Variants in ABCD3 observed in about 807,000 individuals in gnomAD.
ABCD3 encodes the protein ATP binding cassette subfamily D member 3.
In ABCD3, 41 loss-of-function variants were observed where a neutral mutation model predicts 105.5. The observed-to-expected ratio is 0.39, with a 90% CI of 0.30 to 0.50. ABCD3 has a LOEUF of 0.50. ABCD3 is among the 20% of genes least tolerant of loss of function. The pLI is 0.84. For missense variants in ABCD3, 622 were observed against 806.3 expected (o/e 0.77, Z 2.77); for synonymous variants, 258 against 269.0 (o/e 0.96, Z 0.40).
chr1:94,438,129 T>C (rs1232861061), intron 1 of ABCD3, among the ~76,000 whole-genome samples: 1 of 151,646 alleles, frequency 6.6e-6, no homozygotes, highest in Non-Finnish European at 1.5e-5. Context: ...TCTACTAAAA[T>C]ACAAAAAATT....
At chr1:94,455,343 G>A (rs948722408) in intron 1 of ABCD3, among the ~76,000 whole-genome samples, 2 of 102,604 alleles carry the variant, frequency 1.9e-5, no homozygotes, top group African/African-American at 7.5e-5. Context: ...TTTTTTTTTT[G>A]AGACCGAGTT....
chr1:94,484,715 A>G (rs1368283066), intron 10 of ABCD3, among the ~76,000 whole-genome samples: 2 of 152,284 alleles, frequency 1.3e-5, no homozygotes, highest in East Asian at 1.9e-4. Flanking sequence ...CAGCACACCA[A>G]CATGGCAAAT....
At chr1:94,461,286 G>T (rs770373568) in intron 2 of ABCD3, among the ~76,000 whole-genome samples, 1 of 152,110 alleles carries the variant, frequency 6.6e-6, no homozygotes, top group Middle Eastern at 3.4e-3. Flanking sequence ...TATATCCTTT[G>T]TGATGGAGAT....
At chr1:94,437,453 A>G (rs1659948728) in intron 1 of ABCD3, among the ~76,000 whole-genome samples, 1 of 152,234 alleles carries the variant, frequency 6.6e-6, no homozygotes, top group Non-Finnish European at 1.5e-5. Flanking sequence ...CCTGGATAGC[A>G]GCACGTCTGT....
the ABCD3 span, among the ~76,000 whole-genome samples, chr1:94,400,674 C>T: frequency 3.3e-5 from 5 of 152,078 alleles, no homozygotes; most frequent in African/African-American, 7.2e-5. Context: ...TTCACCAGCA[C>T]CTAGAGAAAG....
intron 1 of ABCD3, among the ~76,000 whole-genome samples, chr1:94,444,771 C>G (rs973766994): frequency 2.0e-5 from 3 of 152,192 alleles, no homozygotes; most frequent in African/African-American, 7.2e-5. Flanking sequence ...TCTAGGTTCA[C>G]TTGTAAGACT....
the ABCD3 span, among the ~76,000 whole-genome samples, chr1:94,396,355 C>T: frequency 1.3e-5 from 2 of 152,214 alleles, no homozygotes; most frequent in African/African-American, 2.4e-5. Flanking sequence ...CCTTTCACCT[C>T]TTGGACCTGA....
At chr1:94,515,496 T>C (rs1650875916) in intron 22 of ABCD3, among the ~76,000 whole-genome samples, 1 of 151,978 alleles carries the variant, frequency 6.6e-6, no homozygotes, top group Admixed American at 6.6e-5. Context: ...ACTTTTCTTA[T>C]CCAGCAGTGA....
chr1:94,448,674 A>G (rs1443909112), intron 1 of ABCD3, among the ~76,000 whole-genome samples: 2 of 152,218 alleles, frequency 1.3e-5, no homozygotes, highest in African/African-American at 4.8e-5. Context: ...TGCCTGTGTT[A>G]AACGTCACCT....
chr1:94,401,105 C>T, the ABCD3 span, among the ~76,000 whole-genome samples: 1 of 152,168 alleles, frequency 6.6e-6, no homozygotes, highest in Non-Finnish European at 1.5e-5. Flanking sequence ...AATTCCCAGC[C>T]TCCAGAATGT....
At chr1:94,443,328 T>G (rs1287245451) in intron 1 of ABCD3, among the ~76,000 whole-genome samples, 1 of 152,200 alleles carries the variant, frequency 6.6e-6, no homozygotes, top group East Asian at 1.9e-4. Flanking sequence ...TTTTTTCTTG[T>G]TGAGCTGAGT....
intron 9 of ABCD3, 51 bp from the exon 10 acceptor site, chr1:94,483,119 T>G: frequency 8.3e-7 from 1 of 1,207,456 alleles, no homozygotes. Context: ...TCAATTATTT[T>G]CCAAGCATAG....
intron 5 of ABCD3, among the ~76,000 whole-genome samples, 171 bp downstream of exon 5, chr1:94,474,006 A>T (rs1191958832): frequency 6.9e-6 from 1 of 145,944 alleles, no homozygotes; most frequent in Non-Finnish European, 1.5e-5. Flanking sequence ...CATACTAGAT[A>T]AAAAAGGGAT....
At chr1:94,492,383 CAT>C (rs1443045471) in intron 16 of ABCD3, among the ~76,000 whole-genome samples, 1 of 152,126 alleles carries the variant, frequency 6.6e-6, no homozygotes, top group African/African-American at 2.4e-5. Flanking sequence ...ATATTAAGCA[CAT>C]GTCTACTTTC....
chr1:94,420,963 T>C (rs1659237455), intron 1 of ABCD3, among the ~76,000 whole-genome samples: 1 of 152,158 alleles, frequency 6.6e-6, no homozygotes, highest in Non-Finnish European at 1.5e-5. Flanking sequence ...AAAGTTACAG[T>C]GTAACATTAT....
intron 16 of ABCD3, among the ~76,000 whole-genome samples, chr1:94,493,904 T>A (rs1570815608): frequency 1.3e-5 from 2 of 150,636 alleles, no homozygotes. Flanking sequence ...TGAGAACACA[T>A]GGACACAGGA....
chr1:94,406,148 C>T, the ABCD3 span, among the ~76,000 whole-genome samples: 1 of 151,146 alleles, frequency 6.6e-6, no homozygotes, highest in Non-Finnish European at 1.5e-5. Context: ...GGTTATCCAG[C>T]GATCTCAACA....
chr1:94,423,818 A>G (rs958134932), intron 1 of ABCD3, among the ~76,000 whole-genome samples: 5 of 151,758 alleles, frequency 3.3e-5, no homozygotes, highest in African/African-American at 1.2e-4. Context: ...TCCCTGCACT[A>G]CGTTACTGCT....
intron 1 of ABCD3, chr1:94,432,702 G>T (rs1159532220): frequency 6.6e-6 from 1 of 152,130 alleles, no homozygotes; most frequent in Non-Finnish European, 1.5e-5. Context: ...AATGAATTTA[G>T]ATTCAAAGAA....
Sources: allele counts gnomAD v4.1 joint callset (sites outside exome capture counted in the v4.1 genomes callset), GRCh38; gene constraint gnomAD v4.1.1; transcripts MANE v1.5; gene names NCBI Gene and HGNC (gene_info 2026-07-23, HGNC 2026-07-21).